Variants in SCML4 observed in about 807,000 individuals in gnomAD.
The protein encoded by SCML4 is Scm polycomb group protein like 4.
In SCML4, 34 loss-of-function variants were observed where a neutral mutation model predicts 41.1. That is an observed-to-expected ratio of 0.83 (90% CI 0.63 to 1.10). SCML4 has a LOEUF of 1.10. Among genes scored for constraint, SCML4 ranks in the 50% least tolerant of loss-of-function variants. SCML4 has a pLI of 0.00. For missense variants in SCML4, 522 were observed against 534.1 expected, an observed-to-expected ratio of 0.98 and a Z score of 0.22; for synonymous variants, 214 against 220.9, an observed-to-expected ratio of 0.97 and a Z score of 0.28.
chr6:107,757,802 A>T (rs1390061379), intron 2 of SCML4, among the ~76,000 whole-genome samples: 1 of 152,192 alleles, frequency 6.6e-6, no homozygotes, highest in Non-Finnish European at 1.5e-5. Context: ...ATAAGTCCCA[A>T]GTTTCTTGTT....
chr6:107,720,725 G>A lies in SCML4; in HGVS notation c.951C>T (p.Thr317=). Residue 317 remains threonine (T), a synonymous_variant, in exon 6 of 8, where the codon ACC becomes ACT. Transcript: ENST00000369020. ...TACCACATCTGTTTCCTTCAAGAGA[G>A]GTCGTGTTTCTCTTGGGGCTGGAGG... The part of the protein sequence containing the change: ...PPASSPKRNT[T]SLEGNRCASS... 1.3e-6 allele frequency: 2 copies of A among 1,574,430 alleles called. No individual in the cohort carries two copies. Among genetic ancestry groups the A allele is most frequent in the Non-Finnish European group, 1.7e-6 (2 of 1,163,942 alleles).
chr6:107,799,965 CT>C (rs1318508281), intron 1 of SCML4, among the ~76,000 whole-genome samples: 220 of 141,234 alleles, frequency 1.6e-3, no homozygotes, highest in South Asian at 2.0e-3. Flanking sequence ...GGATATGTTC[CT>C]TTTTTTTTTT....
the SCML4 span, among the ~76,000 whole-genome samples, chr6:107,830,508 C>G: frequency 6.6e-6 from 1 of 152,176 alleles, no homozygotes; most frequent in Non-Finnish European, 1.5e-5. Flanking sequence ...TCTTTGGTCA[C>G]TAGGCTGTTA....
chr6:107,803,006 G>C (rs1358146716), intron 1 of SCML4, among the ~76,000 whole-genome samples: 1 of 151,572 alleles, frequency 6.6e-6, no homozygotes, highest in Admixed American at 6.6e-5. Flanking sequence ...TCGGCCTCCC[G>C]AGGTGCCGGG....
chr6:107,812,874 G>GACATATACAC (rs1379288877), intron 1 of SCML4, among the ~76,000 whole-genome samples: 2 of 62,162 alleles, frequency 3.2e-5, no homozygotes, highest in Admixed American at 1.6e-4. Context: ...TTTACACACA[G>GACATATACAC]ACACATACAC....
intron 5 of SCML4, among the ~76,000 whole-genome samples, chr6:107,744,727 G>A (rs181385511): frequency 6.6e-6 from 1 of 152,318 alleles, no homozygotes; most frequent in Admixed American, 6.5e-5. Context: ...GCTCTTAATA[G>A]CTGGAGGGAC....
At chr6:107,727,518 C>T (rs895118033) in intron 5 of SCML4, among the ~76,000 whole-genome samples, 2 of 152,116 alleles carry the variant, frequency 1.3e-5, no homozygotes, top group Non-Finnish European at 2.9e-5. Context: ...GTAACAAACA[C>T]GGCGTTGGCC....
upstream of SCML4, among the ~76,000 whole-genome samples, chr6:107,827,025 T>A (rs1367883574): frequency 6.6e-6 from 1 of 151,858 alleles, no homozygotes; most frequent in Non-Finnish European, 1.5e-5. Flanking sequence ...ATCACGCCAC[T>A]GCACTACAGC....
the SCML4 span, among the ~76,000 whole-genome samples, chr6:107,831,507 A>G: frequency 2.0e-5 from 3 of 152,152 alleles, no homozygotes; most frequent in Non-Finnish European, 4.4e-5. Context: ...AGTGTGGACC[A>G]TATCTATGAT....
chr6:107,821,873 C>G (rs1260399290), intron 1 of SCML4, among the ~76,000 whole-genome samples: 1 of 152,116 alleles, frequency 6.6e-6, no homozygotes, highest in Non-Finnish European at 1.5e-5. Flanking sequence ...CTTTAAGGTG[C>G]GTGTCATAAA....
At chr6:107,815,351 A>G (rs150496025) in intron 1 of SCML4, among the ~76,000 whole-genome samples, 1 of 152,374 alleles carries the variant, frequency 6.6e-6, no homozygotes, top group Non-Finnish European at 1.5e-5. Flanking sequence ...GTCTTGCCAT[A>G]TAGAAATACC....
chr6:107,725,396 G>A (rs754387939), intron 5 of SCML4, among the ~76,000 whole-genome samples: 21 of 152,178 alleles, frequency 1.4e-4, no homozygotes, highest in Non-Finnish European at 2.9e-4. Flanking sequence ...AAAAGACAGT[G>A]TGGTTCTGGC....
At chr6:107,738,614 C>T (rs115288860) in intron 5 of SCML4, among the ~76,000 whole-genome samples, 3,280 of 151,636 alleles carry the variant, frequency 0.022, 100 homozygotes, top group African/African-American at 0.073. Context: ...GAGAGAGAGT[C>T]CATCTTGAAA....
chr6:107,731,209 T>C (rs1029234475), intron 5 of SCML4, among the ~76,000 whole-genome samples: 3 of 152,300 alleles, frequency 2.0e-5, no homozygotes, highest in East Asian at 1.9e-4. Flanking sequence ...TATAAAACTA[T>C]AGATGCTCCT....
upstream of SCML4, among the ~76,000 whole-genome samples, chr6:107,827,266 A>G (rs2114330817): frequency 6.9e-6 from 1 of 145,844 alleles, no homozygotes; most frequent in East Asian, 2.0e-4. Flanking sequence ...TTATTTAAAT[A>G]TATATTTACA....
At chr6:107,832,011 C>T in the SCML4 span, among the ~76,000 whole-genome samples, 2 of 147,000 alleles carry the variant, frequency 1.4e-5, no homozygotes, top group South Asian at 2.2e-4. Flanking sequence ...TGCAGTGAGC[C>T]GAGATCGAGC....
intron 1 of SCML4, among the ~76,000 whole-genome samples, chr6:107,785,619 G>C (rs1035408333): frequency 3.3e-5 from 5 of 152,204 alleles, no homozygotes; most frequent in African/African-American, 1.2e-4. Context: ...CCGTGGTCCA[G>C]CCTTGCCTAT....
chr6:107,740,941 G>A (rs1045488668), intron 5 of SCML4, among the ~76,000 whole-genome samples: 6 of 152,172 alleles, frequency 3.9e-5, no homozygotes, highest in East Asian at 1.9e-4. Flanking sequence ...CAAGGTTAGC[G>A]AGCTATGGGA....
intron 1 of SCML4, among the ~76,000 whole-genome samples, chr6:107,801,356 C>T (rs865971285): frequency 8.5e-5 from 13 of 152,146 alleles, no homozygotes; most frequent in Admixed American, 2.6e-4. Context: ...TAGGTACATA[C>T]GAAGTCATCC....
Sources: allele counts gnomAD v4.1 joint callset (sites outside exome capture counted in the v4.1 genomes callset), GRCh38; gene constraint gnomAD v4.1.1; transcripts MANE v1.5; gene names NCBI Gene and HGNC (gene_info 2026-07-23, HGNC 2026-07-21).